The following KLHDC10 variants were observed in gnomAD, a reference collection of about 807,000 sequenced individuals.
The protein encoded by KLHDC10 is kelch domain containing 10, also known as kelch domain-containing protein 10.
A neutral mutation model predicts 56.1 loss-of-function variants in KLHDC10; 24 were observed. The ratio of observed to expected loss-of-function variants is 0.43; its 90% CI spans 0.31 to 0.60. The LOEUF (loss-of-function observed/expected upper bound fraction) is 0.60, where lower values mean the gene tolerates loss of function less well. KLHDC10 is among the 20% of genes least tolerant of loss of function. The pLI is 0.11. For synonymous variants in KLHDC10, 188 were observed against 207.1 expected, an observed-to-expected ratio of 0.91 and a Z score of 0.79; for missense variants, 349 against 567.0, an observed-to-expected ratio of 0.62 and a Z score of 3.91.
chr7:130,116,569 T>A lies in KLHDC10; in HGVS notation c.378T>A (p.Pro126=). ...GAGGGCCTGATAATGAAGACTATCCTCTCTTCAGGGAACTCTGGAGGTATC... is the reference window on the plus strand; with the variant it reads ...GAGGGCCTGATAATGAAGACTATCCACTCTTCAGGGAACTCTGGAGGTATC... The part of the protein sequence containing the change: ...ESGGPDNEDY[P]LFRELWRYHF... The change falls in exon 3 of 10, where the codon CCT becomes CCA. Residue 126 remains proline (P), a synonymous_variant. Coordinates refer to ENST00000335420, the MANE Select transcript of KLHDC10 (RefSeq NM_014997.4). This position sits in a 1 kb window ranked among gnomAD's most constrained non-coding sequence, Gnocchi z 4.8. 6.2e-7 allele frequency: 1 copy of A among 1,613,804 alleles called. No homozygotes were observed. The highest frequency in any genetic ancestry group is 8.5e-7 in the Non-Finnish European group (1 of 1,179,746).
chr7:130,099,724 C>T (rs1314833536), intron 2 of KLHDC10, among the ~76,000 whole-genome samples: 1 of 152,082 alleles, frequency 6.6e-6, no homozygotes, highest in Non-Finnish European at 1.5e-5. Context: ...CAAGTGGGCA[C>T]CACCCAAGTG....
intron 1 of KLHDC10, among the ~76,000 whole-genome samples, chr7:130,081,062 G>A (rs767648228): frequency 1.0e-4 from 15 of 145,364 alleles, no homozygotes; most frequent in Non-Finnish European, 1.8e-4. Context: ...GCAGTGGCGT[G>A]ATCTTGGCTC....
At chr7:130,126,884 G>A (rs1796323252) in intron 7 of KLHDC10, among the ~76,000 whole-genome samples, 1 of 151,858 alleles carries the variant, frequency 6.6e-6, no homozygotes, top group Admixed American at 6.6e-5. Flanking sequence ...ACTTTGGGAG[G>A]CTGAGCCCAG....
At chr7:130,129,306 G>C in intron 8 of KLHDC10, 131 bp from the exon 9 acceptor site, 3 of 929,284 alleles carry the variant, frequency 3.2e-6, no homozygotes, top group Non-Finnish European at 4.9e-6. Context: ...CTGCACAGCA[G>C]AAGTCGTCTG....
intron 1 of KLHDC10, among the ~76,000 whole-genome samples, chr7:130,082,905 T>G (rs1287643152): frequency 6.6e-6 from 1 of 152,202 alleles, no homozygotes. Flanking sequence ...CCTAAAGAGC[T>G]CTTATTCTTG....
chr7:130,076,113 G>T (rs967492525), intron 1 of KLHDC10, among the ~76,000 whole-genome samples: 2 of 152,108 alleles, frequency 1.3e-5, no homozygotes, highest in African/African-American at 4.8e-5. Flanking sequence ...AGGCACTAGA[G>T]ACTCAAAAGG....
intron 1 of KLHDC10, among the ~76,000 whole-genome samples, chr7:130,084,300 C>T (rs112697559): frequency 0.017 from 2,514 of 152,196 alleles, 69 homozygotes; most frequent in African/African-American, 0.057. Flanking sequence ...TAATGGGACA[C>T]GGTAACACAG....
rs937513833 is a variant in KLHDC10, at chr7:130,130,034, A to G, written c.1119+458A>G. On this transcript the variant is annotated intron_variant, in intron 9 of 9. Transcript: ENST00000335420. This position sits in a 1 kb window ranked among gnomAD's most constrained non-coding sequence, Gnocchi z 4.2. Reference sequence around the variant, plus strand: ...GAAGTAAAAAAAAATTCATATATATAGGCCGGGCGCGGTGGCTCAGGCCTG... The same window carrying G: ...GAAGTAAAAAAAAATTCATATATATGGGCCGGGCGCGGTGGCTCAGGCCTG... Among the ~76,000 whole-genome samples the G allele has an allele frequency of 6.6e-6, 1 of 152,084 alleles. No individual in the cohort carries two copies. Among genetic ancestry groups the G allele is most frequent in the African/African-American group, 2.4e-5 (1 of 41,412 alleles).
chr7:130,106,201 T>C (rs1326602680), intron 2 of KLHDC10, among the ~76,000 whole-genome samples: 3 of 152,148 alleles, frequency 2.0e-5, no homozygotes, highest in Non-Finnish European at 4.4e-5. Flanking sequence ...ATGTAAATTC[T>C]AATGCATGCC....
intron 5 of KLHDC10, among the ~76,000 whole-genome samples, chr7:130,123,029 A>G (rs1180238676): frequency 6.6e-6 from 1 of 151,834 alleles, no homozygotes; most frequent in Admixed American, 6.6e-5. Flanking sequence ...GGATGGATGG[A>G]TGGATGGATG....
chr7:130,090,767 C>CGTGTGTGT (rs57061414), intron 1 of KLHDC10, among the ~76,000 whole-genome samples: 22,564 of 148,062 alleles, frequency 0.15, 2,150 homozygotes, highest in Middle Eastern at 0.23. Context: ...TACACATACT[C>CGTGTGTGT]GTGTGTGTGT....
Position 130,128,589 on chromosome 7 carries a change from C to A in KLHDC10, c.980-848C>A, listed in dbSNP as rs73144784. Among the ~76,000 whole-genome samples, 71 of 152,076 alleles carry A rather than the reference C, an allele frequency of 4.7e-4. 1 individual carries two copies. Among genetic ancestry groups the A allele is most frequent in the Non-Finnish European group, 8.7e-4 (59 of 67,976 alleles). ...TTTTGTGTTCCTAAACTGAACATTGCAGTGAAGTGAACGTTCCTCCTCAGG... is the reference window on the plus strand; with the variant it reads ...TTTTGTGTTCCTAAACTGAACATTGAAGTGAAGTGAACGTTCCTCCTCAGG... On this transcript the variant is annotated intron_variant, in intron 8 of 9. Coordinates refer to ENST00000335420, the MANE Select transcript of KLHDC10 (RefSeq NM_014997.4).
At chr7:130,084,036 A>G (rs775171994) in intron 1 of KLHDC10, among the ~76,000 whole-genome samples, 15 of 152,144 alleles carry the variant, frequency 9.9e-5, no homozygotes, top group South Asian at 2.1e-4. Context: ...GTGATTTTCA[A>G]TATCTATCCA....
In KLHDC10 at chr7:130,135,128, T is replaced by C. The variant is rs1054587176; in HGVS notation, c.*4382T>C. The C allele has an allele frequency of 6.6e-6, 1 of 151,726 alleles. No homozygotes were observed. The highest frequency in any genetic ancestry group is 2.4e-5 in the African/African-American group (1 of 41,280). The allele number at this position is 151,726 out of a possible 1,614,324, so 9.4% of individuals were successfully genotyped here. A position where few individuals can be genotyped will look rare whatever the true frequency, so the allele number is the denominator to read the frequency against. ...AAAAAAAAAACAACTTTTTATAAGT[T>C]TTTTAAGGGCCCTGCTTAGTCAGTG... On this transcript the variant is annotated 3_prime_UTR_variant, in exon 10 of 10. Coordinates refer to ENST00000335420, the MANE Select transcript of KLHDC10 (RefSeq NM_014997.4).
At position 130,106,936 on chromosome 7, in the gene KLHDC10, G is replaced by A. The variant is rs1247527717; in HGVS notation, c.254-9509G>A. Among the ~76,000 whole-genome samples the A allele has an allele frequency of 2.6e-5, 4 of 152,228 alleles. No homozygotes were observed. The East Asian group carries it at 7.7e-4, about 29-fold the overall frequency. ...CAGTGAGCAGTGATTACACTGCTAC[G>A]TTCCAGCCTGGGCAATAGAGCAAGA... On this transcript the variant is annotated intron_variant, in intron 2 of 9. Transcript: ENST00000335420.
In KLHDC10 at chr7:130,116,695, CTT is replaced by C. The variant is rs768312004; in HGVS notation, c.475+31_475+32del. Reference sequence around the variant, plus strand: ...AGTGCAAGCAGTTCGTAACTCCTGACTTTATGAAATGTCTGAGAAGCCAGGTT... The same window carrying C: ...AGTGCAAGCAGTTCGTAACTCCTGACTATGAAATGTCTGAGAAGCCAGGTT... On this transcript the variant is annotated intron_variant, in intron 3 of 9. Transcript: ENST00000335420. This position sits in a 1 kb window ranked among gnomAD's most constrained non-coding sequence, Gnocchi z 4.8. The C allele has an allele frequency of 1.9e-6, 3 of 1,545,394 alleles. No individual in the cohort carries two copies. The highest frequency in any genetic ancestry group is 1.8e-6 in the Non-Finnish European group (2 of 1,118,182).
intron 2 of KLHDC10, among the ~76,000 whole-genome samples, chr7:130,103,207 C>T (rs530558031): frequency 3.9e-5 from 6 of 152,014 alleles, no homozygotes; most frequent in Admixed American, 2.0e-4. Context: ...AGGTGAACCA[C>T]GAGGCCAGGA....
chr7:130,111,435 G>T (rs1299696102), intron 2 of KLHDC10, among the ~76,000 whole-genome samples: 1 of 152,134 alleles, frequency 6.6e-6, no homozygotes, highest in Admixed American at 6.6e-5. Flanking sequence ...CAGGCAAGGT[G>T]GCTTATGCCT....
In KLHDC10 at chr7:130,131,096, C is replaced by T. The variant is rs1034742626; in HGVS notation, c.*350C>T. 5.9e-6 allele frequency: 1 copy of T among 170,586 alleles called. No homozygotes were observed. Among genetic ancestry groups the T allele is most frequent in the African/African-American group, 2.4e-5 (1 of 42,164 alleles). 10.6% of individuals were successfully genotyped at this position (170,586 alleles called of 1,614,324 possible). A position where few individuals can be genotyped will look rare whatever the true frequency, so the allele number is the denominator to read the frequency against. ...GAATTCTGAATAGTTCCATGTCATA[C>T]AATATTCTAGAAATTAAAACATCAT... On this transcript the variant is annotated 3_prime_UTR_variant, in exon 10 of 10. Coordinates refer to ENST00000335420, the MANE Select transcript of KLHDC10 (RefSeq NM_014997.4).
Sources: allele counts gnomAD v4.1 joint callset (sites outside exome capture counted in the v4.1 genomes callset), GRCh38; gene constraint gnomAD v4.1.1; non-coding constraint Gnocchi (gnomAD v3.1); transcripts MANE v1.5; gene names NCBI Gene and HGNC (gene_info 2026-07-23, HGNC 2026-07-21).